Variants in SEMA4C observed in about 807,000 individuals in gnomAD.
The protein encoded by SEMA4C is semaphorin-4C.
In SEMA4C, 19 loss-of-function variants were observed where a neutral mutation model predicts 89.0. The ratio of observed to expected loss-of-function variants is 0.21; its 90% confidence interval spans 0.15 to 0.31. The LOEUF (loss-of-function observed/expected upper bound fraction) is 0.31, where lower values mean the gene tolerates loss of function less well. SEMA4C is among the 10% of genes least tolerant of loss of function. The pLI, the probability that SEMA4C is intolerant of heterozygous loss-of-function variation, is 1.00. For synonymous variants in SEMA4C, 428 were observed against 472.7 expected (o/e 0.91, Z 1.23); for missense variants, 811 against 1,107.0 (o/e 0.73, Z 3.79).
Position 96,864,618 on chromosome 2 carries a change from G to A in SEMA4C, c.962+87C>T. The A allele has an allele frequency of 3.4e-6, 5 of 1,489,538 alleles. No individual in the cohort carries two copies. Among genetic ancestry groups the A allele is most frequent in the African/African-American group, 1.4e-5 (1 of 71,584 alleles). 92.3% of individuals were successfully genotyped at this position (1,489,538 alleles called of 1,614,324 possible). ...ACACCTGGCTTCCGGGACTGCCTCT[G>A]AGGCCTGGTCCAGGCTCCCACCCAT... On this transcript the variant is annotated intron_variant, in intron 9 of 14. Coordinates refer to ENST00000305476, the MANE Select transcript of SEMA4C (RefSeq NM_017789.5). This position sits in a 1 kb window ranked among gnomAD's most constrained non-coding sequence, Gnocchi z 6.3.
Position 96,864,815 on chromosome 2 carries a change from T to C in SEMA4C, c.852A>G (p.Ala284=), listed in dbSNP as rs773578797. Residue 284 remains alanine, a synonymous_variant, in exon 9 of 15, where the codon GCA becomes GCG. Coordinates refer to ENST00000305476, the MANE Select transcript of SEMA4C (RefSeq NM_017789.5). The surrounding 1 kb of genome is among the most constrained non-coding windows in gnomAD (Gnocchi z 6.3). Reference sequence around the variant, plus strand: ...AGAGCTGCCAGTTCGGGGCAGAGCATGCCAGCCGCGCCTTCAGGAACGTGG... The same window carrying C: ...AGAGCTGCCAGTTCGGGGCAGAGCACGCCAGCCGCGCCTTCAGGAACGTGG... ...KWTTFLKARL[A]CSAPNWQLYF... 1.4e-5 allele frequency: 22 copies of C among 1,613,724 alleles called. No individual in the cohort carries two copies. Among genetic ancestry groups the C allele is most frequent in the Non-Finnish European group, 1.8e-5 (21 of 1,180,010 alleles).
intron 12 of SEMA4C, chr2:96,862,272 G>A: frequency 5.1e-6 from 1 of 197,238 alleles, no homozygotes; most frequent in Non-Finnish European, 1.0e-5. Flanking sequence ...ATGTTTTCCT[G>A]TTTCAACGGT....
chr2:96,870,737 T>C, upstream of SEMA4C: 1 of 985,460 alleles, frequency 1.0e-6, no homozygotes, highest in Non-Finnish European at 1.2e-6. Context: ...GAAGGCTGAT[T>C]AACAAGTGGC....
chr2:96,866,695 G>A, intron 2 of SEMA4C: 1 of 623,700 alleles, frequency 1.6e-6, no homozygotes. Context: ...GCCAGAGGAA[G>A]CCATCAGACT....
At position 96,861,843 on chromosome 2, in the gene SEMA4C, C is replaced by T. The variant is rs765210020; in HGVS notation, c.1495G>A (p.Asp499Asn). ...GCACAGGAGCGATACTTCATGCAGT[C>T]GGCCACGGGCAGCTGCACCAGCTGA... ...RSQLVQLPVA[D>N]CMKYRSCADC... The change falls in exon 13 of 15, where the codon GAC becomes AAC. Residue 499 changes from aspartate to asparagine, a missense_variant. Coordinates refer to ENST00000305476, the MANE Select transcript of SEMA4C (RefSeq NM_017789.5). This position sits in a 1 kb window ranked among gnomAD's most constrained non-coding sequence, Gnocchi z 7.8. 3.2e-5 allele frequency: 52 copies of T among 1,612,462 alleles called. No individual in the cohort carries two copies. The highest frequency in any genetic ancestry group is 3.9e-5 in the Non-Finnish European group (46 of 1,179,886).
At chr2:96,863,205 A>C in intron 12 of SEMA4C, 4 of 979,006 alleles carry the variant, frequency 4.1e-6, no homozygotes, top group Non-Finnish European at 4.9e-6. Context: ...GTGAGACTCC[A>C]TCTCAAAAAA....
At chr2:96,865,558 G>A in intron 5 of SEMA4C, 21 bp from the exon 6 acceptor site, 2 of 1,609,058 alleles carry the variant, frequency 1.2e-6, no homozygotes, top group Non-Finnish European at 1.7e-6. Flanking sequence ...AGAGAGAGGT[G>A]ATGAGGAGAT....
Position 96,868,663 on chromosome 2 carries a change from C to T in SEMA4C, c.-37-740G>A, listed in dbSNP as rs2080137074. ...GTTCCTCGCACTGCCTCCTCCGAAA[C>T]ACCAGCCCTCTGGCGGAGGGGCGGT... On this transcript the variant is annotated intron_variant, in intron 1 of 14. Coordinates refer to ENST00000305476, the MANE Select transcript of SEMA4C (RefSeq NM_017789.5). 4.1e-6 allele frequency: 4 copies of T among 985,460 alleles called. No homozygotes were observed. The South Asian group carries it at 1.4e-4, about 35-fold the overall frequency. 61.0% of individuals were successfully genotyped at this position (985,460 alleles called of 1,614,324 possible). A position where few individuals can be genotyped will look rare whatever the true frequency, so the allele number is the denominator to read the frequency against.
chr2:96,867,958 C>T, intron 1 of SEMA4C, 35 bp from the exon 2 acceptor site: 5 of 1,609,022 alleles, frequency 3.1e-6, no homozygotes, highest in Non-Finnish European at 4.2e-6. Flanking sequence ...GAAATCACAG[C>T]CAGAGAAAGC....
At chr2:96,870,710 G>A, upstream of SEMA4C, 2 of 985,494 alleles carry the variant, frequency 2.0e-6, no homozygotes, top group East Asian at 2.3e-4. Flanking sequence ...CCCAGAAAAT[G>A]ACTCCTCGTG....
Position 96,866,363 on chromosome 2 carries a change from CCGTCAG to C in SEMA4C, c.172_177del (p.Leu58_Thr59del). The C allele has an allele frequency of 6.2e-7, 1 of 1,613,952 alleles. No homozygotes were observed. Among genetic ancestry groups the C allele is most frequent in the Non-Finnish European group, 8.5e-7 (1 of 1,180,024 alleles). On this transcript the variant is annotated inframe_deletion, in exon 3 of 15. Coordinates refer to ENST00000305476, the MANE Select transcript of SEMA4C (RefSeq NM_017789.5). ...CCCACGTACAGAAGCCCAGTGGGCTCCGTCAGCGTCAGTGTCAGGAAGTCCTGGATG... is the reference window on the plus strand; with the variant it reads ...CCCACGTACAGAAGCCCAGTGGGCTCCGTCAGTGTCAGGAAGTCCTGGATG...
rs1446052390 is a variant in SEMA4C at position 96,860,237 on chromosome 2, G to A, written c.*389C>T. 1.0e-5 allele frequency: 2 copies of A among 199,578 alleles called. No homozygotes were observed. The highest frequency in any genetic ancestry group is 4.6e-5 in the African/African-American group (2 of 43,012). 12.4% of individuals were successfully genotyped at this position (199,578 alleles called of 1,614,324 possible). A position where few individuals can be genotyped will look rare whatever the true frequency, so the allele number is the denominator to read the frequency against. On this transcript the variant is annotated 3_prime_UTR_variant, in exon 15 of 15. Coordinates refer to ENST00000305476, the MANE Select transcript of SEMA4C (RefSeq NM_017789.5). ...GACTCACCAGGAGGACCCAGGCCAAGGGAAGACTTGACAGAAACAGGAAGG... is the reference window on the plus strand; with the variant it reads ...GACTCACCAGGAGGACCCAGGCCAAAGGAAGACTTGACAGAAACAGGAAGG...
chr2:96,870,807 A>G, upstream of SEMA4C: 1 of 957,092 alleles, frequency 1.0e-6, no homozygotes, highest in Non-Finnish European at 1.2e-6. Context: ...AACCACCGCC[A>G]CCTTCAGAAC....
At position 96,865,948 on chromosome 2, in the gene SEMA4C, A is replaced by ATGTCAGCC. The variant is rs2080059761; in HGVS notation, c.259-27_259-20dup. 3 of 1,613,018 alleles carry ATGTCAGCC rather than the reference A, an allele frequency of 1.9e-6. No homozygotes were observed. ...AGGAGATCTGGGGAAAGGGAAGGGG[A>ATGTCAGCC]TGTCAGCCACGTTACAGGTACGGAC... On this transcript the variant is annotated intron_variant, in intron 3 of 14. Coordinates refer to ENST00000305476, the MANE Select transcript of SEMA4C (RefSeq NM_017789.5).
At chr2:96,863,503 G>A in intron 12 of SEMA4C, 179 bp downstream of exon 12, 12 of 883,806 alleles carry the variant, frequency 1.4e-5, no homozygotes, top group Non-Finnish European at 1.6e-5. Flanking sequence ...ATTCCATTCT[G>A]TTTTCATTCT....
chr2:96,861,595 G>A lies in SEMA4C; in HGVS notation c.1656C>T (p.Leu552=). ...AAAGCTCACCTTTCTTACTGCCACGGAGGTTGCAGATGCCTGAAGTGTCCG... is the reference window on the plus strand; with the variant it reads ...AAAGCTCACCTTTCTTACTGCCACGAAGGTTGCAGATGCCTGAAGTGTCCG... ...MTSDTSGICN[L]RGSKKVRPTP... The change falls in exon 14 of 15, where the codon CTC becomes CTT. Residue 552 remains leucine, a synonymous_variant. Transcript: ENST00000305476. The surrounding 1 kb of genome is among the most constrained non-coding windows in gnomAD (Gnocchi z 7.8). The A allele has an allele frequency of 6.3e-7, 1 of 1,585,866 alleles. No individual in the cohort carries two copies. Among genetic ancestry groups the A allele is most frequent in the Non-Finnish European group, 8.6e-7 (1 of 1,162,556 alleles).
At chr2:96,865,613 A>G in intron 5 of SEMA4C, 53 bp downstream of exon 5, 2 of 1,129,188 alleles carry the variant, frequency 1.8e-6, no homozygotes, top group Non-Finnish European at 2.6e-6. Context: ...AGTCCAGAGA[A>G]GGGTGAGGAG....
intron 1 of SEMA4C, chr2:96,869,596 C>T (rs2080162573): frequency 2.0e-6 from 2 of 985,198 alleles, no homozygotes; most frequent in African/African-American, 1.7e-5. Flanking sequence ...GCGAGGATCC[C>T]GGCCGCGGAC....
Position 96,864,122 on chromosome 2 carries a change from G to A in SEMA4C, c.1134C>T (p.His378=), listed in dbSNP as rs559622937. 1.6e-4 allele frequency: 251 copies of A among 1,612,688 alleles called. No individual in the cohort carries two copies. In the South Asian group the frequency reaches 2.1e-3, roughly 14 times the overall value. Reference sequence around the variant, plus strand: ...GTAGCTCCAGGGAGCTGGTGTAGCCGTGGCGCCGATGCCAGTTGTTAATGC... The same window carrying A: ...GTAGCTCCAGGGAGCTGGTGTAGCCATGGCGCCGATGCCAGTTGTTAATGC... ...GSCINNWHRR[H]GYTSSLELPD... is the part of the protein sequence containing the mutation. The change falls in exon 11 of 15, where the codon CAC becomes CAT. Residue 378 remains histidine, a synonymous_variant. Coordinates refer to ENST00000305476, the MANE Select transcript of SEMA4C (RefSeq NM_017789.5). The surrounding 1 kb of genome is among the most constrained non-coding windows in gnomAD (Gnocchi z 6.3).
Sources: gnomAD v4.1 joint callset for allele counts on GRCh38, gnomAD v4.1.1 for gene constraint, Gnocchi (gnomAD v3.1) non-coding constraint, MANE v1.5 for transcripts, NCBI Gene and HGNC (gene_info 2026-07-23, HGNC 2026-07-21) for gene names.